The following TMEM232 variants were observed in gnomAD, a reference collection of about 807,000 sequenced individuals.
TMEM232 encodes the protein transmembrane protein 232.
TMEM232 carries 80 observed loss-of-function variants against 78.8 expected under a neutral mutation model. That is an observed-to-expected ratio of 1.01 (90% CI 0.85 to 1.22). The LOEUF is 1.22. TMEM232 is among the 50% of genes most tolerant of loss of function. The probability of loss-of-function intolerance (pLI) is 0.00; values close to 1 mark genes in which losing one functional copy is unlikely to be tolerated. For synonymous variants in TMEM232, 297 were observed against 254.3 expected (o/e 1.17, Z -1.60); for missense variants, 881 against 742.2 (o/e 1.19, Z -2.17).
intron 12 of TMEM232, among the ~76,000 whole-genome samples, chr5:110,447,490 G>T (rs1759797224): frequency 6.6e-6 from 1 of 152,040 alleles, no homozygotes; most frequent in Non-Finnish European, 1.5e-5. Flanking sequence ...CCTATATAGA[G>T]ATCTTTTCAA....
At chr5:110,459,715 C>G (rs1334549170) in intron 12 of TMEM232, among the ~76,000 whole-genome samples, 1 of 152,032 alleles carries the variant, frequency 6.6e-6, no homozygotes, top group Non-Finnish European at 1.5e-5. Context: ...TAGTTAATTA[C>G]TAAGGGAATA....
chr5:110,453,686 C>T (rs978206686), intron 12 of TMEM232, among the ~76,000 whole-genome samples: 5 of 152,162 alleles, frequency 3.3e-5, no homozygotes, highest in Admixed American at 6.5e-5. Flanking sequence ...ACCCAGTGTA[C>T]GAATTTTAGC....
At chr5:110,657,158 C>T (rs145100647) in intron 2 of TMEM232, among the ~76,000 whole-genome samples, 280 of 152,136 alleles carry the variant, frequency 1.8e-3, no homozygotes, top group African/African-American at 6.4e-3. Flanking sequence ...TAGGAATGTA[C>T]GTTAGTACAG....
At chr5:110,624,093 C>T (rs1580401310) in intron 7 of TMEM232, among the ~76,000 whole-genome samples, 2 of 152,022 alleles carry the variant, frequency 1.3e-5, no homozygotes, top group African/African-American at 4.8e-5. Context: ...TACCTCACAA[C>T]CAGACTATTC....
In TMEM232 at chr5:110,420,780, T is replaced by G. The variant is rs746263268; in HGVS notation, c.1798-24A>C. ...CACTGTTACAGAGAGAAAACGTCAT[T>G]CACATGATTTTCCATGAAAAAATGC... On this transcript the variant is annotated intron_variant, in intron 13 of 13. Coordinates refer to ENST00000455884, the MANE Select transcript of TMEM232 (RefSeq NM_001039763.4). 4 of 1,487,080 alleles carry G rather than the reference T, an allele frequency of 2.7e-6. No homozygotes were observed. The South Asian group carries it at 5.4e-5, about 20-fold the overall frequency. 92.1% of individuals were successfully genotyped at this position (1,487,080 alleles called of 1,614,324 possible).
At chr5:110,496,002 T>G (rs1765599387) in intron 12 of TMEM232, among the ~76,000 whole-genome samples, 1 of 151,792 alleles carries the variant, frequency 6.6e-6, no homozygotes, top group South Asian at 2.1e-4. Context: ...CTTTTTGCAT[T>G]ATTTTTCAAG....
intron 1 of TMEM232, among the ~76,000 whole-genome samples, chr5:110,687,729 T>C (rs1793603168): frequency 6.6e-6 from 1 of 152,118 alleles, no homozygotes; most frequent in Non-Finnish European, 1.5e-5. Context: ...TCTATACATG[T>C]GTGTGTATAT....
chr5:110,523,816 C>G (rs1364262538), intron 12 of TMEM232, among the ~76,000 whole-genome samples: 1 of 151,746 alleles, frequency 6.6e-6, no homozygotes, highest in African/African-American at 2.4e-5. Flanking sequence ...AAAAACCTAG[C>G]TGAGTGTAGT....
At chr5:110,731,669 A>C (rs893911221), upstream of TMEM232, among the ~76,000 whole-genome samples, 1 of 152,184 alleles carries the variant, frequency 6.6e-6, no homozygotes, top group Non-Finnish European at 1.5e-5. Flanking sequence ...GGGACACAGG[A>C]CACCAAGTCC....
At chr5:110,389,908 T>C (rs1755119249) in intron 4 of TMEM232, among the ~76,000 whole-genome samples, 1 of 152,176 alleles carries the variant, frequency 6.6e-6, no homozygotes, top group Non-Finnish European at 1.5e-5. Flanking sequence ...GGTCTGCCTA[T>C]ATCATGTGCA....
chr5:110,738,329 T>C (rs1799431715), upstream of TMEM232: 2 of 1,078,760 alleles, frequency 1.9e-6, no homozygotes, highest in African/African-American at 1.7e-5. Context: ...GGGATTTCAA[T>C]ACCCTGAGTG....
chr5:110,699,067 AAACAAAACAAAAAC>A (rs1795148779), intron 1 of TMEM232, among the ~76,000 whole-genome samples: 1 of 149,734 alleles, frequency 6.7e-6, no homozygotes, highest in African/African-American at 2.5e-5. Context: ...AAACAAAACA[AAACAAAACAAAAAC>A]AAACAAACAA....
At chr5:110,455,450 T>C (rs1451161834) in intron 12 of TMEM232, among the ~76,000 whole-genome samples, 1 of 151,760 alleles carries the variant, frequency 6.6e-6, no homozygotes, top group Admixed American at 6.6e-5. Context: ...CAATCTCGGC[T>C]CACTGCAAGC....
At chr5:110,432,975 G>C (rs1393413780) in intron 12 of TMEM232, among the ~76,000 whole-genome samples, 1 of 151,640 alleles carries the variant, frequency 6.6e-6, no homozygotes, top group Non-Finnish European at 1.5e-5. Flanking sequence ...GGAGCACCCG[G>C]CTTTATAAAA....
chr5:110,574,125 T>C (rs1205576694), intron 10 of TMEM232, among the ~76,000 whole-genome samples: 2 of 152,054 alleles, frequency 1.3e-5, no homozygotes, highest in Non-Finnish European at 2.9e-5. Context: ...AAAAGGTACA[T>C]TTTCCCTGGA....
intron 3 of TMEM232, 44 bp from the exon 4 acceptor site, chr5:110,641,040 T>G: frequency 8.4e-7 from 1 of 1,189,874 alleles, no homozygotes; most frequent in African/African-American, 1.6e-5. Context: ...AATGTACATA[T>G]TTTTATATAT....
intron 10 of TMEM232, among the ~76,000 whole-genome samples, chr5:110,601,784 A>T (rs1262175779): frequency 6.6e-6 from 1 of 152,122 alleles, no homozygotes; most frequent in Non-Finnish European, 1.5e-5. Flanking sequence ...TCACAGAACT[A>T]TAAAAAACTA....
chr5:110,449,357 C>T lies in TMEM232; in HGVS notation c.1704-24441G>A, dbSNP rs79072111. On this transcript the variant is annotated intron_variant, in intron 12 of 13. Transcript: ENST00000455884. Reference sequence around the variant, plus strand: ...TGCTGTTACATATTCATACCCATAACGATTCGGAAAGAAAAAAAGGTGAAT... The same window carrying T: ...TGCTGTTACATATTCATACCCATAATGATTCGGAAAGAAAAAAAGGTGAAT... Among the ~76,000 whole-genome samples the T allele has an allele frequency of 9.7e-3, 1,466 of 151,838 alleles. 26 individuals carry two copies. The highest frequency in any genetic ancestry group is 0.033 in the African/African-American group (1,386 of 41,458).
intron 2 of TMEM232, among the ~76,000 whole-genome samples, chr5:110,656,181 G>C (rs915923150): frequency 6.6e-6 from 1 of 152,168 alleles, no homozygotes; most frequent in South Asian, 2.1e-4. Flanking sequence ...ATTTCAGAAA[G>C]CTGCATGTTC....
Sources: gnomAD v4.1 joint callset for allele counts (sites outside exome capture counted in the v4.1 genomes callset) on GRCh38, gnomAD v4.1.1 for gene constraint, MANE v1.5 for transcripts, NCBI Gene and HGNC (gene_info 2026-07-23, HGNC 2026-07-21) for gene names.